Variants in PTGFRN observed in about 807,000 individuals in gnomAD.
The protein encoded by PTGFRN is prostaglandin F2 receptor negative regulator.
PTGFRN carries 35 observed loss-of-function variants against 83.2 expected under a neutral mutation model. The ratio of observed to expected loss-of-function variants is 0.42; its 90% CI spans 0.32 to 0.56. The LOEUF (loss-of-function observed/expected upper bound fraction) is 0.56, where lower values mean the gene tolerates loss of function less well. Ranked by LOEUF, PTGFRN falls within the 20% of genes least tolerant of loss-of-function variation. PTGFRN has a pLI of 0.11. For synonymous variants in PTGFRN, 519 were observed against 498.6 expected, an observed-to-expected ratio of 1.04 and a Z score of -0.55; for missense variants, 1,051 against 1,179.5, an observed-to-expected ratio of 0.89 and a Z score of 1.60.
At chr1:116,951,114 C>CT (rs78620244) in intron 4 of PTGFRN, among the ~76,000 whole-genome samples, 17 of 146,646 alleles carry the variant, frequency 1.2e-4, no homozygotes, top group South Asian at 4.3e-4. Context: ...AACTCGAGGA[C>CT]TTTTTTTTTT....
intron 4 of PTGFRN, among the ~76,000 whole-genome samples, chr1:116,949,956 T>G (rs1650299002): frequency 6.6e-6 from 1 of 152,206 alleles, no homozygotes; most frequent in Non-Finnish European, 1.5e-5. Context: ...CTGGTGCTTT[T>G]CCAAAGCCCA....
intron 7 of PTGFRN, among the ~76,000 whole-genome samples, chr1:116,979,034 A>T (rs1467601188): frequency 1.3e-5 from 2 of 152,244 alleles, no homozygotes; most frequent in Non-Finnish European, 2.9e-5. Flanking sequence ...TCAGGATACA[A>T]AATCAATGTG....
intron 1 of PTGFRN, among the ~76,000 whole-genome samples, chr1:116,917,342 G>A (rs1649430174): frequency 6.6e-6 from 1 of 152,158 alleles, no homozygotes; most frequent in Non-Finnish European, 1.5e-5. Flanking sequence ...CAGGCCCACA[G>A]GCCAGCTGGG....
Position 116,910,024 on chromosome 1 carries a change from G to A in PTGFRN, c.-180G>A. ...GGGAAGGAGGCGGGAGGGAGCGAGCGGAGCCAGGGGCGCACGTACGCCCCA... is the reference window on the plus strand; with the variant it reads ...GGGAAGGAGGCGGGAGGGAGCGAGCAGAGCCAGGGGCGCACGTACGCCCCA... On this transcript the variant is annotated 5_prime_UTR_variant, in exon 1 of 9. Coordinates refer to ENST00000393203, the MANE Select transcript of PTGFRN (RefSeq NM_020440.4). 1 of 710,014 alleles carries A rather than the reference G, an allele frequency of 1.4e-6. No homozygotes were observed. The highest frequency in any genetic ancestry group is 2.4e-6 in the Non-Finnish European group (1 of 415,778). 44.0% of individuals were successfully genotyped at this position (710,014 alleles called of 1,614,324 possible).
chr1:116,974,710 T>A (rs1271463112), intron 7 of PTGFRN, among the ~76,000 whole-genome samples: 1 of 152,176 alleles, frequency 6.6e-6, no homozygotes, highest in Non-Finnish European at 1.5e-5. Context: ...ATACTGGGAA[T>A]AGATGAGTGA....
At chr1:116,947,211 T>C (rs1015699080) in intron 3 of PTGFRN, among the ~76,000 whole-genome samples, 2 of 152,238 alleles carry the variant, frequency 1.3e-5, no homozygotes, top group African/African-American at 4.8e-5. Flanking sequence ...CACATTGTTA[T>C]GATAAATGGC....
At chr1:116,953,430 CAT>C (rs1178382219) in intron 4 of PTGFRN, among the ~76,000 whole-genome samples, 2 of 152,184 alleles carry the variant, frequency 1.3e-5, no homozygotes, top group Non-Finnish European at 1.5e-5. Context: ...AGTCAGGAGA[CAT>C]GTGTTAGTCC....
rs1010948729 is a variant in PTGFRN, at chr1:116,918,931, G to A, written c.49+8679G>A. Among the ~76,000 whole-genome samples, 3 of 152,192 alleles carry A rather than the reference G, an allele frequency of 2.0e-5. No individual in the cohort carries two copies. Among genetic ancestry groups the A allele is most frequent in the Non-Finnish European group, 4.4e-5 (3 of 68,034 alleles). ...GATAGGCAGGTGAGTGGGGCTTCCAGGCTTGATGCACCTGCAGAAGGTTTG... is the reference window on the plus strand; with the variant it reads ...GATAGGCAGGTGAGTGGGGCTTCCAAGCTTGATGCACCTGCAGAAGGTTTG... On this transcript the variant is annotated intron_variant, in intron 1 of 8. Transcript: ENST00000393203. The surrounding 1 kb of genome is among the most constrained non-coding windows in gnomAD (Gnocchi z 4.1).
In PTGFRN at chr1:116,923,545, C is replaced by T. The variant is rs1036777085; in HGVS notation, c.49+13293C>T. Among the ~76,000 whole-genome samples the T allele has an allele frequency of 6.6e-6, 1 of 152,168 alleles. No individual in the cohort carries two copies. Among genetic ancestry groups the T allele is most frequent in the Non-Finnish European group, 1.5e-5 (1 of 68,048 alleles). ...AGTTCTCATTATTGTTTCTCCACTG[C>T]CTCCACCCCTTCCCTTTGCAGGATT... On this transcript the variant is annotated intron_variant, in intron 1 of 8. Coordinates refer to ENST00000393203, the MANE Select transcript of PTGFRN (RefSeq NM_020440.4). The surrounding 1 kb of genome is among the most constrained non-coding windows in gnomAD (Gnocchi z 4.0).
At chr1:116,911,404 A>G (rs1275696997) in intron 1 of PTGFRN, among the ~76,000 whole-genome samples, 4 of 152,178 alleles carry the variant, frequency 2.6e-5, no homozygotes, top group Non-Finnish European at 4.4e-5. Flanking sequence ...GGCCTTCTAT[A>G]GCTACTCCCC....
At chr1:116,950,126 C>G (rs987974576) in intron 4 of PTGFRN, among the ~76,000 whole-genome samples, 2 of 152,152 alleles carry the variant, frequency 1.3e-5, no homozygotes, top group Admixed American at 1.3e-4. Flanking sequence ...TGTAATTTCC[C>G]CAGTGGAGGA....
At position 116,987,035 on chromosome 1, in the gene PTGFRN, A is replaced by G. The variant is rs1651517324; in HGVS notation, c.*68A>G. On this transcript the variant is annotated 3_prime_UTR_variant, in exon 9 of 9. Coordinates refer to ENST00000393203, the MANE Select transcript of PTGFRN (RefSeq NM_020440.4). ...ATTGGGGCAAGAAGAGGACAGTGAT[A>G]TTTTAAAACAAAGTGTGTTACACTA... is the stretch of plus-strand genomic sequence containing the variant. 1 of 1,574,696 alleles carries G rather than the reference A, an allele frequency of 6.4e-7. No individual in the cohort carries two copies. The highest frequency in any genetic ancestry group is 1.4e-5 in the African/African-American group (1 of 73,980).
chr1:116,944,416 A>G (rs1650132303), intron 2 of PTGFRN, among the ~76,000 whole-genome samples: 2 of 152,220 alleles, frequency 1.3e-5, no homozygotes, highest in Admixed American at 6.5e-5. Context: ...TAGCAGAAGC[A>G]CATCACATCC....
intron 1 of PTGFRN, among the ~76,000 whole-genome samples, chr1:116,913,130 CA>C (rs1649315736): frequency 1.3e-5 from 2 of 152,140 alleles, no homozygotes; most frequent in Admixed American, 1.3e-4. Flanking sequence ...TGTGAGTAGA[CA>C]GAGAATAAAA....
At chr1:116,947,009 A>G (rs2101066826) in intron 3 of PTGFRN, among the ~76,000 whole-genome samples, 1 of 152,336 alleles carries the variant, frequency 6.6e-6, no homozygotes, top group Non-Finnish European at 1.5e-5. Context: ...GCTTACTTTC[A>G]CAGTGGGAGG....
At chr1:116,970,804 A>G (rs1485900775) in intron 6 of PTGFRN, among the ~76,000 whole-genome samples, 2 of 152,166 alleles carry the variant, frequency 1.3e-5, no homozygotes, top group Admixed American at 6.5e-5. Flanking sequence ...TCCGTGACAT[A>G]CCTTAAGACA....
chr1:116,983,534 T>A (rs1298446405), intron 7 of PTGFRN, among the ~76,000 whole-genome samples: 2 of 149,220 alleles, frequency 1.3e-5, no homozygotes, highest in Non-Finnish European at 3.0e-5. Context: ...TATGCTCAAG[T>A]GCCACAGTGG....
intron 4 of PTGFRN, among the ~76,000 whole-genome samples, chr1:116,959,954 G>C (rs1452481693): frequency 6.6e-6 from 1 of 151,636 alleles, no homozygotes. Flanking sequence ...CTTGGGGACA[G>C]TAAGACTGTC....
At chr1:116,944,606 G>T in intron 2 of PTGFRN, 73 bp from the exon 3 acceptor site, 1 of 1,301,220 alleles carries the variant, frequency 7.7e-7, no homozygotes. Flanking sequence ...GTCTGTGGTT[G>T]CAGCGGTGGG....
Sources: allele counts gnomAD v4.1 joint callset (sites outside exome capture counted in the v4.1 genomes callset), GRCh38; gene constraint gnomAD v4.1.1; non-coding constraint Gnocchi (gnomAD v3.1); transcripts MANE v1.5; gene names NCBI Gene and HGNC (gene_info 2026-07-23, HGNC 2026-07-21).